ME2: variants seen among roughly 807,000 people sequenced by gnomAD.
ME2 encodes malic enzyme 2.
ME2 carries 60 observed loss-of-function variants against 73.7 expected under a neutral mutation model. That is an observed-to-expected ratio of 0.81 (90% CI 0.66 to 1.01). ME2 has a LOEUF of 1.01. Among genes scored for constraint, ME2 ranks in the 50% least tolerant of loss-of-function variants. The probability of loss-of-function intolerance (pLI) is 0.00; values close to 1 mark genes in which losing one functional copy is unlikely to be tolerated. For missense variants in ME2, 594 were observed against 705.5 expected, an observed-to-expected ratio of 0.84 and a Z score of 1.79; for synonymous variants, 199 against 236.9, an observed-to-expected ratio of 0.84 and a Z score of 1.47.
intron 15 of ME2, among the ~76,000 whole-genome samples, chr18:50,946,348 C>G (rs1028220328): frequency 6.6e-6 from 1 of 152,154 alleles, no homozygotes; most frequent in African/African-American, 2.4e-5. Context: ...GGTCTAATAT[C>G]TAGACTCAGA....
At chr18:50,941,166 C>T (rs866535841) in intron 15 of ME2, among the ~76,000 whole-genome samples, 3 of 146,468 alleles carry the variant, frequency 2.0e-5, no homozygotes, top group African/African-American at 7.6e-5. Context: ...GAGGCTGAGG[C>T]AGGAGAATCA....
intron 2 of ME2, among the ~76,000 whole-genome samples, chr18:50,903,888 T>C (rs952307391): frequency 6.6e-6 from 1 of 152,196 alleles, no homozygotes; most frequent in African/African-American, 2.4e-5. Context: ...CAGCCTTCAA[T>C]AAAATCATAC....
chr18:50,901,995 T>G (rs540897471), intron 2 of ME2, among the ~76,000 whole-genome samples: 1 of 152,328 alleles, frequency 6.6e-6, no homozygotes, highest in African/African-American at 2.4e-5. Flanking sequence ...GATGTAAGAT[T>G]GTGAAGAGAT....
At chr18:50,944,243 G>A (rs1918031408) in intron 15 of ME2, among the ~76,000 whole-genome samples, 2 of 151,946 alleles carry the variant, frequency 1.3e-5, no homozygotes, top group Admixed American at 6.6e-5. Flanking sequence ...AGAAATAATT[G>A]GTATATCCAA....
At chr18:50,910,022 C>A (rs116784379) in intron 3 of ME2, among the ~76,000 whole-genome samples, 1 of 152,122 alleles carries the variant, frequency 6.6e-6, no homozygotes, top group African/African-American at 2.4e-5. Context: ...GATGATCTTG[C>A]TTTCTTTTAT....
chr18:50,902,887 C>T (rs1046140725), intron 2 of ME2, among the ~76,000 whole-genome samples: 2 of 152,080 alleles, frequency 1.3e-5, no homozygotes, highest in African/African-American at 4.8e-5. Flanking sequence ...ATTTGGAATT[C>T]CAGTGGCTGA....
intron 1 of ME2, among the ~76,000 whole-genome samples, chr18:50,882,332 A>G (rs1006541602): frequency 3.9e-5 from 6 of 152,148 alleles, no homozygotes; most frequent in African/African-American, 1.4e-4. Context: ...TTGCCCTTTG[A>G]CCACTCTGCT....
intron 13 of ME2, 121 bp from the exon 14 acceptor site, chr18:50,939,449 C>T (rs571982710): frequency 1.7e-6 from 1 of 580,706 alleles, no homozygotes; most frequent in Non-Finnish European, 3.1e-6. Context: ...TGGCTGTTTT[C>T]TGTTTGGGGG....
intron 10 of ME2, among the ~76,000 whole-genome samples, chr18:50,923,706 G>T (rs1917480579): frequency 6.6e-6 from 1 of 152,160 alleles, no homozygotes; most frequent in South Asian, 2.1e-4. Context: ...CTGCACTCAA[G>T]TCTGGGCGAC....
chr18:50,895,924 A>G lies in ME2; in HGVS notation c.104A>G (p.Asn35Ser). Residue 35 changes from asparagine to serine, a missense_variant, in exon 2 of 16, where the codon AAC becomes AGC. Physicochemically the swap from Asn to Ser is conservative, Grantham distance 46. Coordinates refer to ENST00000321341, the MANE Select transcript of ME2 (RefSeq NM_002396.5). ...GKPLMLNPRT[N>S]KGMAFTLQER... ...CCACTTATGCTGAACCCAAGAACAA[A>G]CAAGGTTAGTAACATTAATATCAAT... The G allele has an allele frequency of 6.3e-7, 1 of 1,598,692 alleles. No homozygotes were observed. Among genetic ancestry groups the G allele is most frequent in the Non-Finnish European group, 8.6e-7 (1 of 1,166,240 alleles).
At chr18:50,932,791 G>C (rs1169921021) in intron 13 of ME2, 1 of 154,196 alleles carries the variant, frequency 6.5e-6, no homozygotes, top group Admixed American at 6.5e-5. Context: ...GAGTATCTGG[G>C]ACTACAGGCA....
At position 50,924,112 on chromosome 18, in the gene ME2, AATAG is replaced by A. The variant is rs751656612; in HGVS notation, c.1076_1079del (p.Asp359ValfsTer22). ...TCAAAATTTAGGGACGGAAAGCAAA[AATAG>A]ATAGTTATCAGGAACCATTTACTCA... On this transcript the variant is annotated frameshift_variant, in exon 11 of 16. Transcript: ENST00000321341. LOFTEE classifies it high-confidence loss of function. 3.1e-6 allele frequency: 5 copies of A among 1,610,828 alleles called. No homozygotes were observed. The African/African-American group carries it at 4.0e-5, about 13-fold the overall frequency.
Position 50,952,503 on chromosome 18 carries a change from G to A in ME2, c.*5319G>A, listed in dbSNP as rs1207085637. ...GCATAAAATAGACACATTAAGTCAAGTGATTTGAATGCTTAGTGTCTTTTG... is the reference window on the plus strand; with the variant it reads ...GCATAAAATAGACACATTAAGTCAAATGATTTGAATGCTTAGTGTCTTTTG... On this transcript the variant is annotated 3_prime_UTR_variant, in exon 16 of 16. Transcript: ENST00000321341. 1 of 152,200 alleles carries A rather than the reference G, an allele frequency of 6.6e-6. No individual in the cohort carries two copies. The highest frequency in any genetic ancestry group is 2.4e-5 in the African/African-American group (1 of 41,448). The allele number at this position is 152,200 out of a possible 1,614,324, so 9.4% of individuals were successfully genotyped here.
At chr18:50,945,752 T>A (rs147775135) in intron 15 of ME2, among the ~76,000 whole-genome samples, 5 of 152,294 alleles carry the variant, frequency 3.3e-5, no homozygotes, top group Non-Finnish European at 7.4e-5. Flanking sequence ...TTCTACCATA[T>A]GTCACTACAT....
chr18:50,912,585 T>C (rs1196721931), intron 3 of ME2, among the ~76,000 whole-genome samples: 7 of 152,222 alleles, frequency 4.6e-5, no homozygotes, highest in Non-Finnish European at 5.9e-5. Context: ...TATTTCATCG[T>C]CATCATCATC....
chr18:50,922,920 A>G (rs1798892813), intron 10 of ME2, among the ~76,000 whole-genome samples: 1 of 152,208 alleles, frequency 6.6e-6, no homozygotes, highest in Admixed American at 6.5e-5. Context: ...GTTCTGATGG[A>G]AATACACTTT....
At chr18:50,946,314 G>A (rs73960352) in intron 15 of ME2, among the ~76,000 whole-genome samples, 3,166 of 152,128 alleles carry the variant, frequency 0.021, 104 homozygotes, top group African/African-American at 0.071. Context: ...CCTTTGGTGG[G>A]GAGTAGTCGA....
rs1031813749 is a variant in ME2 at position 50,895,936 on chromosome 18, A to G, written c.108+8A>G. 6.5e-7 allele frequency: 1 copy of G among 1,532,844 alleles called. No homozygotes were observed. Among genetic ancestry groups the G allele is most frequent in the African/African-American group, 1.4e-5 (1 of 73,272 alleles). The allele number at this position is 1,532,844 out of a possible 1,614,324, so 95.0% of individuals were successfully genotyped here. A position where few individuals can be genotyped will look rare whatever the true frequency, so the allele number is the denominator to read the frequency against. Reference sequence around the variant, plus strand: ...AACCCAAGAACAAACAAGGTTAGTAACATTAATATCAATGTACATTTTCTC... The same window carrying G: ...AACCCAAGAACAAACAAGGTTAGTAGCATTAATATCAATGTACATTTTCTC... On this transcript the variant is annotated splice_region_variant and intron_variant, in intron 2 of 15. Transcript: ENST00000321341.
intron 1 of ME2, among the ~76,000 whole-genome samples, chr18:50,885,945 G>T (rs141441170): frequency 1.3e-5 from 2 of 152,102 alleles, no homozygotes; most frequent in African/African-American, 4.8e-5. Flanking sequence ...GTCCAGTGAA[G>T]AATTCTCTTA....
Sources: gnomAD v4.1 joint callset for allele counts (sites outside exome capture counted in the v4.1 genomes callset) on GRCh38, gnomAD v4.1.1 for gene constraint, MANE v1.5 for transcripts, NCBI Gene and HGNC (gene_info 2026-07-23, HGNC 2026-07-21) for gene names.